The following DNAH14 variants were observed in gnomAD, a reference collection of about 807,000 sequenced individuals.
The protein encoded by DNAH14 is axonemal beta dynein heavy chain 14.
Under a neutral mutation model 520.9 loss-of-function variants are expected in DNAH14, and 478 were observed. That is an observed-to-expected ratio of 0.92 (90% CI 0.85 to 0.99). The LOEUF is 0.99. Ranked by LOEUF, DNAH14 falls within the 50% of genes least tolerant of loss-of-function variation. The pLI, the probability that DNAH14 is intolerant of heterozygous loss-of-function variation, is 0.00. For synonymous variants in DNAH14, 1,581 were observed against 1,757.2 expected, an observed-to-expected ratio of 0.90 and a Z score of 2.51; for missense variants, 4,831 against 5,234.5, an observed-to-expected ratio of 0.92 and a Z score of 2.38.
At chr1:225,198,751 T>G (rs1379557465) in intron 38 of DNAH14, among the ~76,000 whole-genome samples, 1 of 152,204 alleles carries the variant, frequency 6.6e-6, no homozygotes, top group Non-Finnish European at 1.5e-5. Context: ...TAGTATTTTG[T>G]TAAAGATTCT....
intron 82 of DNAH14, 90 bp downstream of exon 82, chr1:225,388,581 G>A: frequency 1.4e-6 from 1 of 702,494 alleles, no homozygotes. Context: ...GGTCTCCTTG[G>A]GTTCTCACAG....
At chr1:225,290,647 GTATATATATATATA>G (rs56045354) in intron 55 of DNAH14, among the ~76,000 whole-genome samples, 2,847 of 57,566 alleles carry the variant, frequency 0.049, 90 homozygotes, top group South Asian at 0.12. Flanking sequence ...GTGTGTGTGT[GTATATATATATATA>G]TATATATATA....
intron 66 of DNAH14, among the ~76,000 whole-genome samples, chr1:225,334,240 A>G (rs1348405216): frequency 6.6e-6 from 1 of 152,162 alleles, no homozygotes; most frequent in East Asian, 1.9e-4. Context: ...GGAATTCAAG[A>G]CCAGCCTGGG....
chr1:225,352,385 A>C (rs558101000), intron 72 of DNAH14, among the ~76,000 whole-genome samples: 1 of 152,028 alleles, frequency 6.6e-6, no homozygotes, highest in Non-Finnish European at 1.5e-5. Flanking sequence ...ATTTTTCTCT[A>C]CTTCACTTCC....
intron 72 of DNAH14, among the ~76,000 whole-genome samples, chr1:225,353,036 C>A (rs1425556794): frequency 6.6e-6 from 1 of 151,734 alleles, no homozygotes; most frequent in Non-Finnish European, 1.5e-5. Context: ...TGCAAATAAC[C>A]CCAAATTATC....
At position 225,272,068 on chromosome 1, in the gene DNAH14, T is replaced by G. The variant is rs768658174; in HGVS notation, c.7834T>G (p.Phe2612Val). 4 of 1,548,246 alleles carry G rather than the reference T, an allele frequency of 2.6e-6. No homozygotes were observed. In the South Asian group the frequency reaches 4.8e-5, roughly 19 times the overall value. Residue 2612 changes from phenylalanine to valine, a missense_variant, in exon 51 of 86, where the codon TTT (phenylalanine) becomes GTT (valine). Physicochemically the swap from Phe to Val is conservative, Grantham distance 50 (BLOSUM62 -1). Transcript: ENST00000682510. ...CTACATGTTTAATCTTCGAGATATG[T>G]TTAAGGTTTGTTTTAATGTTCATTC... ...CHYMFNLRDM[F>V]KLLLGLLQAD...
intron 1 of DNAH14, among the ~76,000 whole-genome samples, chr1:224,951,108 C>A (rs2060142047): frequency 6.6e-6 from 1 of 152,134 alleles, no homozygotes; most frequent in Non-Finnish European, 1.5e-5. Context: ...TCACTGCAAC[C>A]TCTGCCTCCT....
chr1:225,196,274 G>A (rs2086117403), intron 38 of DNAH14, among the ~76,000 whole-genome samples: 1 of 151,958 alleles, frequency 6.6e-6, no homozygotes. Flanking sequence ...ATGATGTTTG[G>A]TTTTCCATTA....
At chr1:225,392,236 A>G in intron 83 of DNAH14, 55 bp from the exon 84 acceptor site, 4 of 1,538,524 alleles carry the variant, frequency 2.6e-6, no homozygotes, top group Non-Finnish European at 3.5e-6. Context: ...TGCTAACCCC[A>G]GCAGGAGGCC....
intron 55 of DNAH14, among the ~76,000 whole-genome samples, chr1:225,293,524 A>G (rs1163081563): frequency 6.6e-6 from 1 of 152,188 alleles, no homozygotes; most frequent in Non-Finnish European, 1.5e-5. Flanking sequence ...TGTGACATGG[A>G]TGGAGCTGGA....
chr1:224,988,298 T>C (rs923581617), intron 8 of DNAH14, among the ~76,000 whole-genome samples: 2 of 152,212 alleles, frequency 1.3e-5, no homozygotes, highest in Non-Finnish European at 2.9e-5. Context: ...ATCCAGTCTA[T>C]CATTAAGGGA....
At chr1:225,057,932 A>G (rs539046582) in intron 17 of DNAH14, among the ~76,000 whole-genome samples, 2 of 152,292 alleles carry the variant, frequency 1.3e-5, no homozygotes, top group African/African-American at 2.4e-5. Context: ...TCAGTTTGCC[A>G]GTATTTTATT....
rs549946400 is a variant in DNAH14, at chr1:225,297,951, G to A, written c.8470-2918G>A. The stretch of plus-strand genomic sequence containing the variant: ...CAGGCCAGGGACATGTCTGCAGCAC[G>A]GGGGATGTACCACAGGGCTGTTTCT... On this transcript the variant is annotated intron_variant, in intron 55 of 85. Transcript: ENST00000682510. Among the ~76,000 whole-genome samples, 123 of 151,704 alleles carry A rather than the reference G, an allele frequency of 8.1e-4. 1 individual carries two copies. In the South Asian group the frequency reaches 0.024, roughly 29 times the overall value.
chr1:225,264,219 A>G lies in DNAH14; in HGVS notation c.7180A>G (p.Ile2394Val). The part of the protein sequence containing the change: ...KSSSLKQNIT[I>V]LIPETHKTAT... ...CAGTAGCCTAAAACAGAATATCACC[A>G]TCTTGATTCCTGAAACTCATAAGAC... is the stretch of plus-strand genomic sequence containing the variant. The change falls in exon 47 of 86, where the codon ATC becomes GTC. Residue 2394 changes from isoleucine to valine, a missense_variant. Transcript: ENST00000682510. 6.5e-7 allele frequency: 1 copy of G among 1,550,068 alleles called. No homozygotes were observed. The highest frequency in any genetic ancestry group is 1.4e-5 in the African/African-American group (1 of 73,098).
At chr1:225,044,802 T>C (rs747468168) in intron 15 of DNAH14, among the ~76,000 whole-genome samples, 30 of 152,290 alleles carry the variant, frequency 2.0e-4, no homozygotes, top group Non-Finnish European at 3.4e-4. Flanking sequence ...TGAATCAGTT[T>C]GGTAAGGGTT....
chr1:225,168,740 T>A (rs369438796), intron 36 of DNAH14, among the ~76,000 whole-genome samples: 1 of 151,982 alleles, frequency 6.6e-6, no homozygotes, highest in African/African-American at 2.4e-5. Flanking sequence ...CACAGCCAAA[T>A]AAAAAATAGC....
intron 17 of DNAH14, among the ~76,000 whole-genome samples, chr1:225,063,501 A>T (rs900073513): frequency 3.9e-5 from 6 of 152,138 alleles, no homozygotes; most frequent in African/African-American, 1.2e-4. Flanking sequence ...TGTATCTTAA[A>T]TGAAAACTTC....
At chr1:225,167,035 T>C (rs1381517190) in intron 35 of DNAH14, among the ~76,000 whole-genome samples, 2 of 152,340 alleles carry the variant, frequency 1.3e-5, no homozygotes, top group Non-Finnish European at 2.9e-5. Flanking sequence ...GGTAGGTATC[T>C]AGGCTTATGT....
chr1:224,939,782 T>G (rs1223606118), intron 1 of DNAH14, among the ~76,000 whole-genome samples: 1 of 152,232 alleles, frequency 6.6e-6, no homozygotes, highest in Non-Finnish European at 1.5e-5. Flanking sequence ...ATAATTTTTA[T>G]CTGTGAACCT....
Sources: gnomAD v4.1 joint callset for allele counts (sites outside exome capture counted in the v4.1 genomes callset) on GRCh38, gnomAD v4.1.1 for gene constraint, MANE v1.5 for transcripts, NCBI Gene and HGNC (gene_info 2026-07-23, HGNC 2026-07-21) for gene names.